AP3B1: variants seen among roughly 807,000 people sequenced by gnomAD.
AP3B1 encodes adaptor related protein complex 3 subunit beta 1.
In AP3B1, 61 loss-of-function variants were observed where a neutral mutation model predicts 132.5. The ratio of observed to expected loss-of-function variants is 0.46; its 90% CI spans 0.37 to 0.57. AP3B1 has a LOEUF of 0.57. Ranked by LOEUF, AP3B1 falls within the 20% of genes least tolerant of loss-of-function variation. The pLI is 0.00. For synonymous variants in AP3B1, 388 were observed against 438.3 expected (o/e 0.89, Z 1.43); for missense variants, 1,120 against 1,289.4 (o/e 0.87, Z 2.01).
At chr5:78,225,661 A>G in intron 5 of AP3B1, 53 bp from the exon 6 acceptor site, 1 of 1,146,622 alleles carries the variant, frequency 8.7e-7, no homozygotes, top group Non-Finnish European at 1.3e-6. Flanking sequence ...CTAGCTTTAC[A>G]TGATGCTCAC....
intron 15 of AP3B1, among the ~76,000 whole-genome samples, chr5:78,136,098 T>C (rs1752899679): frequency 6.6e-6 from 1 of 152,150 alleles, no homozygotes; most frequent in East Asian, 1.9e-4. Context: ...TAGTTTTTTT[T>C]CCTAATAAGA....
chr5:78,294,664 A>G lies in AP3B1; in HGVS notation c.-85T>C, dbSNP rs1315958133. 1.2e-6 allele frequency: 2 copies of G among 1,601,358 alleles called. No individual in the cohort carries two copies. The highest frequency in any genetic ancestry group is 2.2e-5 in the East Asian group (1 of 44,746). On this transcript the variant is annotated 5_prime_UTR_variant, in exon 1 of 27. Transcript: ENST00000255194. ...AGTCCAGAGGGCACGGAACAAAACTAGTTCTCGTACGGAGGAGCGCGCGCA... is the reference window on the plus strand; with the variant it reads ...AGTCCAGAGGGCACGGAACAAAACTGGTTCTCGTACGGAGGAGCGCGCGCA...
At chr5:78,241,746 C>T (rs2112520130) in intron 2 of AP3B1, among the ~76,000 whole-genome samples, 1 of 152,308 alleles carries the variant, frequency 6.6e-6, no homozygotes, top group African/African-American at 2.4e-5. Flanking sequence ...GCCTGAGTTC[C>T]ACATCTCTAA....
At chr5:78,233,060 C>T (rs1416510011) in intron 3 of AP3B1, among the ~76,000 whole-genome samples, 1 of 152,036 alleles carries the variant, frequency 6.6e-6, no homozygotes, top group Non-Finnish European at 1.5e-5. Context: ...ATTCAGGAAA[C>T]ATAACATCAG....
chr5:78,116,963 C>A (rs910235322), intron 17 of AP3B1, among the ~76,000 whole-genome samples: 1 of 152,126 alleles, frequency 6.6e-6, no homozygotes, highest in South Asian at 2.1e-4. Context: ...GAAGTCCCTA[C>A]AACAGTCTGC....
At chr5:78,174,865 G>A (rs765597982) in intron 11 of AP3B1, among the ~76,000 whole-genome samples, 2 of 152,258 alleles carry the variant, frequency 1.3e-5, no homozygotes, top group Non-Finnish European at 2.9e-5. Flanking sequence ...CTGAGCTGTG[G>A]TGGGCTCCGC....
At chr5:78,175,500 A>C (rs1173041376) in intron 11 of AP3B1, 126 bp downstream of exon 11, 1 of 714,032 alleles carries the variant, frequency 1.4e-6, no homozygotes, top group Non-Finnish European at 2.4e-6. Context: ...AAGTATAAAG[A>C]AAAACCATTA....
chr5:78,099,450 G>C (rs565180796), intron 21 of AP3B1, among the ~76,000 whole-genome samples: 1 of 152,272 alleles, frequency 6.6e-6, no homozygotes, highest in East Asian at 1.9e-4. Context: ...GAAGACAGGG[G>C]TCAGATCATC....
rs186793860 is a variant in AP3B1 at position 78,046,751 on chromosome 5, G to C, written c.2578-7477C>G. Among the ~76,000 whole-genome samples the C allele has an allele frequency of 2.0e-4, 30 of 151,760 alleles. No homozygotes were observed. In the East Asian group the frequency reaches 5.8e-3, roughly 30 times the overall value. Reference sequence around the variant, plus strand: ...AAGTTCTGGGATACATGTGCAGAATGTGCAGGTTTGTTACATAGGTATACA... The same window carrying C: ...AAGTTCTGGGATACATGTGCAGAATCTGCAGGTTTGTTACATAGGTATACA... On this transcript the variant is annotated intron_variant, in intron 22 of 26. Coordinates refer to ENST00000255194, the MANE Select transcript of AP3B1 (RefSeq NM_003664.5).
At chr5:78,275,895 A>C (rs569381146) in intron 1 of AP3B1, among the ~76,000 whole-genome samples, 5 of 152,348 alleles carry the variant, frequency 3.3e-5, no homozygotes, top group African/African-American at 1.2e-4. Context: ...ATAGAACAAT[A>C]TATCCAACAA....
intron 6 of AP3B1, among the ~76,000 whole-genome samples, chr5:78,217,142 A>G (rs1012697183): frequency 1.3e-5 from 2 of 152,272 alleles, no homozygotes; most frequent in African/African-American, 4.8e-5. Flanking sequence ...AATTTCCCCA[A>G]TGACTTAAAA....
chr5:78,169,115 C>T (rs999224553), intron 11 of AP3B1, among the ~76,000 whole-genome samples: 10 of 152,136 alleles, frequency 6.6e-5, no homozygotes, highest in Non-Finnish European at 1.5e-4. Flanking sequence ...AGGCTTTCTA[C>T]TCTTTCCACT....
chr5:78,043,339 T>C, intron 22 of AP3B1: 2 of 174,254 alleles, frequency 1.1e-5, no homozygotes, highest in Non-Finnish European at 2.5e-5. Context: ...CCATGTTGGC[T>C]AGGCTGGTCT....
chr5:78,042,213 TAG>T (rs1224029352), intron 22 of AP3B1: 1 of 153,020 alleles, frequency 6.5e-6, no homozygotes, highest in Non-Finnish European at 1.5e-5. Context: ...TTCCAAGCTT[TAG>T]ATTTTAATTT....
At chr5:78,289,850 T>C (rs1749436521) in intron 1 of AP3B1, among the ~76,000 whole-genome samples, 1 of 152,210 alleles carries the variant, frequency 6.6e-6, no homozygotes, top group Non-Finnish European at 1.5e-5. Context: ...CATACTTTAC[T>C]ACCTACTATT....
At chr5:78,236,482 T>G (rs546647961) in intron 3 of AP3B1, among the ~76,000 whole-genome samples, 35 of 152,316 alleles carry the variant, frequency 2.3e-4, no homozygotes, top group Middle Eastern at 3.4e-3. Context: ...TGGCGCTGAA[T>G]GGGCTAAGAT....
chr5:78,151,343 T>C (rs923525154), intron 14 of AP3B1, among the ~76,000 whole-genome samples: 4 of 152,232 alleles, frequency 2.6e-5, no homozygotes, highest in Non-Finnish European at 5.9e-5. Flanking sequence ...TCCTTTCCAA[T>C]GTGGATGCCT....
intron 7 of AP3B1, among the ~76,000 whole-genome samples, chr5:78,196,803 G>C (rs1447063974): frequency 6.6e-6 from 1 of 152,170 alleles, no homozygotes; most frequent in African/African-American, 2.4e-5. Flanking sequence ...CCAGCTATAT[G>C]ATATTTTGGA....
rs1580225026 is a variant in AP3B1 at position 78,002,328 on chromosome 5, T to C, written c.*574A>G. ...CTCATTAAAAATGCAAAGACAAATA[T>C]GATTCATATGCTAGTTTATTTATCT... On this transcript the variant is annotated 3_prime_UTR_variant, in exon 27 of 27. Coordinates refer to ENST00000255194, the MANE Select transcript of AP3B1 (RefSeq NM_003664.5). 9 of 327,150 alleles carry C rather than the reference T, an allele frequency of 2.8e-5. No individual in the cohort carries two copies. In the East Asian group the frequency reaches 4.3e-4, roughly 16 times the overall value. The allele number at this position is 327,150 out of a possible 1,614,324, so 20.3% of individuals were successfully genotyped here. A position where few individuals can be genotyped will look rare whatever the true frequency, so the allele number is the denominator to read the frequency against.
Sources: gnomAD v4.1 joint callset for allele counts (sites outside exome capture counted in the v4.1 genomes callset) on GRCh38, gnomAD v4.1.1 for gene constraint, MANE v1.5 for transcripts, NCBI Gene and HGNC (gene_info 2026-07-23, HGNC 2026-07-21) for gene names.